Variants in MAD1L1 observed in about 807,000 individuals in gnomAD.
MAD1L1 encodes mitotic arrest deficient 1 like 1.
MAD1L1 carries 95 observed loss-of-function variants against 96.9 expected under a neutral mutation model. That is an observed-to-expected ratio of 0.98 (90% CI 0.83 to 1.16). MAD1L1 has a LOEUF of 1.16. MAD1L1 is among the 50% of genes most tolerant of loss of function. The pLI, the probability that MAD1L1 is intolerant of heterozygous loss-of-function variation, is 0.00. For missense variants in MAD1L1, 1,007 were observed against 954.4 expected (o/e 1.06, Z -0.73); for synonymous variants, 473 against 396.6 (o/e 1.19, Z -2.29).
At chr7:2,032,109 T>C (rs1222228668) in intron 12 of MAD1L1, among the ~76,000 whole-genome samples, 1 of 152,224 alleles carries the variant, frequency 6.6e-6, no homozygotes, top group Non-Finnish European at 1.5e-5. Flanking sequence ...CCAAGGAGTT[T>C]CCATGCATCA....
chr7:2,172,885 G>C (rs1790775156), intron 10 of MAD1L1, among the ~76,000 whole-genome samples: 1 of 152,244 alleles, frequency 6.6e-6, no homozygotes, highest in African/African-American at 2.4e-5. Flanking sequence ...GCTCCTGGGA[G>C]CGTGCACACC....
chr7:1,982,398 G>A lies in MAD1L1; in HGVS notation c.1417-1857C>T, dbSNP rs868516482. Among the ~76,000 whole-genome samples, 38 of 152,006 alleles carry A rather than the reference G, an allele frequency of 2.5e-4. No homozygotes were observed. The Middle Eastern group carries it at 0.01, about 41-fold the overall frequency. ...TAATTTTTGTATTTTTAGTAGAGAC[G>A]GGGTTTCACCATGTTGGTGAGGCTG... On this transcript the variant is annotated intron_variant, in intron 14 of 18. Coordinates refer to ENST00000265854, the MANE Select transcript of MAD1L1 (RefSeq NM_001013836.2).
chr7:2,129,227 C>CAGCA lies in MAD1L1; in HGVS notation c.1073+19921_1073+19924dup, dbSNP rs545197987. On this transcript the variant is annotated intron_variant, in intron 11 of 18. Coordinates refer to ENST00000265854, the MANE Select transcript of MAD1L1 (RefSeq NM_001013836.2). ...CCCACCGCCAGGCAGCTCACATGTG[C>CAGCA]AGCAGGCCAACACCAGGCAGGCCAG... 1.9e-4 allele frequency among the ~76,000 whole-genome samples: 29 copies of CAGCA among 152,346 alleles called. No homozygotes were observed. The South Asian group carries it at 6.0e-3, about 32-fold the overall frequency.
chr7:2,012,884 C>A (rs1431785249), intron 13 of MAD1L1, among the ~76,000 whole-genome samples: 1 of 152,224 alleles, frequency 6.6e-6, no homozygotes, highest in Admixed American at 6.5e-5. Flanking sequence ...CCCACGCCCC[C>A]TCTAAACCAC....
intron 16 of MAD1L1, among the ~76,000 whole-genome samples, chr7:1,939,830 G>A (rs550374646): frequency 2.9e-4 from 43 of 146,892 alleles, no homozygotes; most frequent in Admixed American, 1.5e-3. Context: ...CCCGAAGGAC[G>A]GCGAGGCCTG....
chr7:2,140,446 G>T (rs991412514), intron 11 of MAD1L1, among the ~76,000 whole-genome samples: 1 of 152,270 alleles, frequency 6.6e-6, no homozygotes, highest in Non-Finnish European at 1.5e-5. Flanking sequence ...TGCAGCCGCA[G>T]CCGCAAAGCC....
At chr7:2,105,716 G>A (rs189279377) in intron 11 of MAD1L1, among the ~76,000 whole-genome samples, 19 of 152,016 alleles carry the variant, frequency 1.2e-4, no homozygotes, top group Non-Finnish European at 2.1e-4. Flanking sequence ...ACCCCCGCAC[G>A]GTCCAGTAAG....
chr7:2,118,407 C>T (rs1262959392), intron 11 of MAD1L1, among the ~76,000 whole-genome samples: 1 of 152,258 alleles, frequency 6.6e-6, no homozygotes, highest in African/African-American at 2.4e-5. Context: ...ATCAGGCTCC[C>T]AGAAGCAGGA....
chr7:1,980,179 C>T (rs781147086), intron 15 of MAD1L1, among the ~76,000 whole-genome samples: 19 of 152,136 alleles, frequency 1.2e-4, no homozygotes, highest in Non-Finnish European at 1.9e-4. Context: ...CACACCTGAG[C>T]GTGCGCACCT....
At chr7:1,881,003 C>T (rs1396362255) in intron 18 of MAD1L1, among the ~76,000 whole-genome samples, 1 of 152,206 alleles carries the variant, frequency 6.6e-6, no homozygotes, top group African/African-American at 2.4e-5. Flanking sequence ...TTTGCTCAGA[C>T]CCTGTCCATC....
chr7:1,964,962 G>A (rs1214137786), intron 15 of MAD1L1, among the ~76,000 whole-genome samples: 1 of 152,190 alleles, frequency 6.6e-6, no homozygotes, highest in Non-Finnish European at 1.5e-5. Flanking sequence ...CCCTCACCCA[G>A]GCCAGCCTCC....
chr7:2,214,275 A>AT (rs1793142770), intron 9 of MAD1L1, among the ~76,000 whole-genome samples: 1 of 152,230 alleles, frequency 6.6e-6, no homozygotes, highest in African/African-American at 2.4e-5. Context: ...CCATCAAACA[A>AT]TAAATTACAC....
chr7:2,201,493 C>T (rs1409723261), intron 10 of MAD1L1, among the ~76,000 whole-genome samples: 1 of 152,188 alleles, frequency 6.6e-6, no homozygotes, highest in Non-Finnish European at 1.5e-5. Flanking sequence ...CCAGATACCA[C>T]CAGGGATGCC....
At chr7:2,001,800 C>T (rs549096586) in intron 14 of MAD1L1, among the ~76,000 whole-genome samples, 7 of 152,312 alleles carry the variant, frequency 4.6e-5, no homozygotes, top group East Asian at 1.9e-4. Context: ...TGGCCTCATG[C>T]GGCAAACATG....
chr7:2,011,733 C>T (rs147303063), intron 13 of MAD1L1, among the ~76,000 whole-genome samples: 1 of 152,324 alleles, frequency 6.6e-6, no homozygotes, highest in Non-Finnish European at 1.5e-5. Context: ...AGGGCAGTGG[C>T]ACCTGCACAG....
At chr7:2,021,442 A>G (rs1782782975) in intron 12 of MAD1L1, among the ~76,000 whole-genome samples, 1 of 152,190 alleles carries the variant, frequency 6.6e-6, no homozygotes, top group Non-Finnish European at 1.5e-5. Flanking sequence ...GCATCCAGCA[A>G]GATGATCTTC....
intron 18 of MAD1L1, among the ~76,000 whole-genome samples, chr7:1,820,155 T>C (rs1335740527): frequency 6.6e-6 from 1 of 152,064 alleles, no homozygotes; most frequent in Non-Finnish European, 1.5e-5. Flanking sequence ...TGTAAGTGCC[T>C]GGAAATTAAA....
At chr7:2,164,059 A>C (rs1790300312) in intron 10 of MAD1L1, among the ~76,000 whole-genome samples, 1 of 152,190 alleles carries the variant, frequency 6.6e-6, no homozygotes, top group Non-Finnish European at 1.5e-5. Context: ...GAAAATGGGA[A>C]CAGTTACAGT....
intron 10 of MAD1L1, among the ~76,000 whole-genome samples, chr7:2,200,752 T>G (rs1400478857): frequency 6.6e-6 from 1 of 152,198 alleles, no homozygotes; most frequent in Admixed American, 6.5e-5. Context: ...GCCTGCTTCA[T>G]GCACACGGCC....
Sources: gnomAD v4.1 joint callset for allele counts (sites outside exome capture counted in the v4.1 genomes callset) on GRCh38, gnomAD v4.1.1 for gene constraint, MANE v1.5 for transcripts, NCBI Gene and HGNC (gene_info 2026-07-23, HGNC 2026-07-21) for gene names.